Variants in ZFHX3 observed in about 807,000 individuals in gnomAD.
ZFHX3 encodes zinc finger homeobox protein 3.
Under a neutral mutation model 279.1 loss-of-function variants are expected in ZFHX3, and 42 were observed. The ratio of observed to expected loss-of-function variants is 0.15; its 90% CI spans 0.12 to 0.19. The LOEUF (loss-of-function observed/expected upper bound fraction) is 0.19. ZFHX3 is among the 10% of genes least tolerant of loss of function. The probability of loss-of-function intolerance (pLI) is 1.00; values close to 1 mark genes in which losing one functional copy is unlikely to be tolerated. For missense variants in ZFHX3, 4,981 were observed against 4,754.0 expected, an observed-to-expected ratio of 1.05 and a Z score of -1.40; for synonymous variants, 2,293 against 1,957.8, an observed-to-expected ratio of 1.17 and a Z score of -4.52.
intron 7 of ZFHX3, among the ~76,000 whole-genome samples, chr16:72,810,849 C>G (rs1239154327): frequency 6.6e-6 from 1 of 152,162 alleles, no homozygotes. Context: ...GTTTCCTTAT[C>G]TGCTGATGGG....
At chr16:73,749,461 C>G (rs1441779420) in intron 1 of ZFHX3, among the ~76,000 whole-genome samples, 1 of 152,158 alleles carries the variant, frequency 6.6e-6, no homozygotes, top group Non-Finnish European at 1.5e-5. Flanking sequence ...TTTATTACAG[C>G]TATTTACTAT....
intron 2 of ZFHX3, among the ~76,000 whole-genome samples, chr16:73,563,170 T>TTG (rs200933190): frequency 0.02 from 2,686 of 134,710 alleles, 28 homozygotes; most frequent in East Asian, 0.073. Context: ...TTTTGTTTTG[T>TTG]TGTGTGTGTG....
At chr16:72,879,719 C>T (rs890485320) in intron 4 of ZFHX3, among the ~76,000 whole-genome samples, 1 of 152,228 alleles carries the variant, frequency 6.6e-6, no homozygotes, top group Non-Finnish European at 1.5e-5. Flanking sequence ...GCCACCATGC[C>T]CAGCTAAGGA....
Position 72,971,584 on chromosome 16 carries a change from G to T in ZFHX3, c.-49-11390C>A, listed in dbSNP as rs576626000. On this transcript the variant is annotated intron_variant, in intron 1 of 9. Transcript: ENST00000268489. ...TGACGTTGTGTCTGTATTGCCTTAG[G>T]ATGCATTTCTGGAAGTAGAGTTGCT... Among the ~76,000 whole-genome samples, 3 of 152,184 alleles carry T rather than the reference G, an allele frequency of 2.0e-5. No homozygotes were observed. In the South Asian group the frequency reaches 6.2e-4, roughly 32 times the overall value.
intron 7 of ZFHX3, among the ~76,000 whole-genome samples, chr16:73,101,847 C>T (rs1357820762): frequency 6.6e-6 from 1 of 151,872 alleles, no homozygotes; most frequent in East Asian, 1.9e-4. Flanking sequence ...TACACCACCC[C>T]TTCCAACATG....
intron 4 of ZFHX3, among the ~76,000 whole-genome samples, chr16:73,310,454 C>T (rs1318176588): frequency 6.6e-6 from 1 of 152,254 alleles, no homozygotes; most frequent in Non-Finnish European, 1.5e-5. Flanking sequence ...TCCTTTCCTG[C>T]ATATGCAACT....
At chr16:73,338,608 T>C (rs536051110) in intron 3 of ZFHX3, among the ~76,000 whole-genome samples, 1 of 152,248 alleles carries the variant, frequency 6.6e-6, no homozygotes, top group Admixed American at 6.5e-5. Context: ...CTTGCCAATA[T>C]ATGACTGCTC....
chr16:73,237,119 T>G (rs1158126356), intron 5 of ZFHX3, among the ~76,000 whole-genome samples: 1 of 152,216 alleles, frequency 6.6e-6, no homozygotes, highest in Non-Finnish European at 1.5e-5. Flanking sequence ...GAGAGAGGAC[T>G]TGCCTAAGGT....
chr16:73,110,924 G>A (rs1037131844), intron 7 of ZFHX3, among the ~76,000 whole-genome samples: 1 of 151,990 alleles, frequency 6.6e-6, no homozygotes, highest in Non-Finnish European at 1.5e-5. Flanking sequence ...CAGTAAGGAT[G>A]CATTTTATGA....
chr16:73,020,453 G>C (rs765795118), intron 1 of ZFHX3, among the ~76,000 whole-genome samples: 41 of 152,206 alleles, frequency 2.7e-4, no homozygotes, highest in Non-Finnish European at 4.8e-4. Flanking sequence ...CCCCCACACA[G>C]AGTGTAAGGG....
intron 1 of ZFHX3, among the ~76,000 whole-genome samples, chr16:73,876,990 A>T (rs901723705): frequency 2.0e-5 from 3 of 151,934 alleles, no homozygotes; most frequent in African/African-American, 7.3e-5. Flanking sequence ...CGAGTGAGAA[A>T]TCATGCTAAA....
chr16:72,977,488 A>G (rs1053872313), intron 1 of ZFHX3, among the ~76,000 whole-genome samples: 10 of 152,172 alleles, frequency 6.6e-5, no homozygotes, highest in Non-Finnish European at 4.4e-5. Flanking sequence ...ATTGAAGCAT[A>G]AAGTCTAGGA....
At chr16:73,399,202 C>T (rs940923506) in intron 3 of ZFHX3, among the ~76,000 whole-genome samples, 1 of 151,970 alleles carries the variant, frequency 6.6e-6, no homozygotes. Flanking sequence ...AGCAGCCCTA[C>T]AAAAATGTTA....
At chr16:73,711,151 T>G (rs1468381735) in intron 1 of ZFHX3, among the ~76,000 whole-genome samples, 1 of 152,160 alleles carries the variant, frequency 6.6e-6, no homozygotes, top group African/African-American at 2.4e-5. Context: ...TTTAACTGTA[T>G]CCATTCCCTC....
chr16:73,033,001 G>C (rs184770537), intron 1 of ZFHX3, among the ~76,000 whole-genome samples: 1 of 152,300 alleles, frequency 6.6e-6, no homozygotes, highest in Non-Finnish European at 1.5e-5. Flanking sequence ...GGATGGGGAA[G>C]GAAGAAGGTA....
intron 1 of ZFHX3, among the ~76,000 whole-genome samples, chr16:73,833,384 A>G (rs962947427): frequency 1.3e-5 from 2 of 152,164 alleles, no homozygotes; most frequent in Admixed American, 6.5e-5. Flanking sequence ...ATAAGTTATC[A>G]ATTCCTTGCA....
At chr16:72,841,206 G>C (rs1391152806) in intron 4 of ZFHX3, among the ~76,000 whole-genome samples, 1 of 152,196 alleles carries the variant, frequency 6.6e-6, no homozygotes, top group Non-Finnish European at 1.5e-5. Flanking sequence ...CACGTGGAAA[G>C]TCAAAAACTG....
At chr16:72,839,948 C>T (rs1490040261) in intron 4 of ZFHX3, among the ~76,000 whole-genome samples, 5 of 152,012 alleles carry the variant, frequency 3.3e-5, no homozygotes, top group Non-Finnish European at 4.4e-5. Context: ...AACAACCTGC[C>T]GGAAATAAAC....
At chr16:73,003,697 C>T (rs1229409531) in intron 1 of ZFHX3, among the ~76,000 whole-genome samples, 3 of 152,078 alleles carry the variant, frequency 2.0e-5, no homozygotes, top group East Asian at 1.9e-4. Flanking sequence ...AACAGCGAGA[C>T]TCCATCTCAA....
Sources: gnomAD v4.1 joint callset for allele counts (sites outside exome capture counted in the v4.1 genomes callset) on GRCh38, gnomAD v4.1.1 for gene constraint, MANE v1.5 for transcripts, NCBI Gene and HGNC (gene_info 2026-07-23, HGNC 2026-07-21) for gene names.